Variants in NR3C2 observed in about 807,000 individuals in gnomAD.
NR3C2 encodes the protein nuclear receptor subfamily 3 group C member 2, also known as mineralocorticoid receptor.
NR3C2 carries 15 observed loss-of-function variants against 86.4 expected under a neutral mutation model. That is an observed-to-expected ratio of 0.17 (90% CI 0.12 to 0.27). The LOEUF (loss-of-function observed/expected upper bound fraction) is 0.27. NR3C2 is among the 10% of genes least tolerant of loss of function. The pLI is 1.00. For synonymous variants in NR3C2, 458 were observed against 450.5 expected (o/e 1.02, Z -0.21); for missense variants, 960 against 1,195.6 (o/e 0.80, Z 2.91).
chr4:148,096,816 C>T (rs1299369711), intron 8 of NR3C2, among the ~76,000 whole-genome samples: 1 of 152,202 alleles, frequency 6.6e-6, no homozygotes, highest in East Asian at 1.9e-4. Flanking sequence ...TACAGTGGCA[C>T]AGCTGAGTAG....
chr4:148,153,605 C>T (rs1230895516), intron 5 of NR3C2, among the ~76,000 whole-genome samples: 2 of 152,216 alleles, frequency 1.3e-5, no homozygotes, highest in Non-Finnish European at 2.9e-5. Flanking sequence ...TTTACAGCTG[C>T]TGTCTGACCA....
intron 3 of NR3C2, among the ~76,000 whole-genome samples, chr4:148,223,241 T>C (rs1737957867): frequency 6.6e-6 from 1 of 152,168 alleles, no homozygotes; most frequent in South Asian, 2.1e-4. Context: ...TCTCAATGCA[T>C]TCTTTCTCCC....
rs112285331 is a variant in NR3C2, at chr4:148,101,695, G to A, written c.2799+12409C>T. 5.3e-5 allele frequency among the ~76,000 whole-genome samples: 8 copies of A among 152,252 alleles called. 1 individual carries two copies. The highest frequency in any genetic ancestry group is 1.9e-4 in the African/African-American group (8 of 41,554). Reference sequence around the variant, plus strand: ...GTTTCGGGATTATTTACAAAGATAGGCTTGTTAAGCTGATGGGATTTCTTA... The same window carrying A: ...GTTTCGGGATTATTTACAAAGATAGACTTGTTAAGCTGATGGGATTTCTTA... On this transcript the variant is annotated intron_variant, in intron 8 of 8. Transcript: ENST00000358102.
chr4:148,388,963 A>C (rs368303287), intron 2 of NR3C2, among the ~76,000 whole-genome samples: 6 of 152,232 alleles, frequency 3.9e-5, no homozygotes, highest in African/African-American at 1.4e-4. Flanking sequence ...ACAGCCTGCT[A>C]GCTTACAGGA....
rs138806792 is a variant in NR3C2 at position 148,373,769 on chromosome 4, C to T, written c.1757+61335G>A. ...TTGGGATTATAGGCATGAGCCACCGCGCCCGGCCAGGATGACATTTTTAAT... is the reference window on the plus strand; with the variant it reads ...TTGGGATTATAGGCATGAGCCACCGTGCCCGGCCAGGATGACATTTTTAAT... On this transcript the variant is annotated intron_variant, in intron 2 of 8. Transcript: ENST00000358102. 3.4e-3 allele frequency among the ~76,000 whole-genome samples: 515 copies of T among 152,196 alleles called. 4 individuals carry two copies. The highest frequency in any genetic ancestry group is 0.012 in the African/African-American group (482 of 41,502).
intron 2 of NR3C2, among the ~76,000 whole-genome samples, chr4:148,276,140 CTTTTA>C (rs1740950591): frequency 6.6e-6 from 1 of 152,080 alleles, no homozygotes; most frequent in Non-Finnish European, 1.5e-5. Flanking sequence ...TATTGTGAAC[CTTTTA>C]TGAGAGTCTT....
rs376951249 is a variant in NR3C2 at position 148,199,240 on chromosome 4, A to G, written c.1898-4378T>C. Among the ~76,000 whole-genome samples, 24 of 152,228 alleles carry G rather than the reference A, an allele frequency of 1.6e-4. No individual in the cohort carries two copies. The South Asian group carries it at 3.1e-3, about 20-fold the overall frequency. ...AAAGAGTCCAGCTGAGCCAAGACAA[A>G]CGCCATTCAGCTCCGAACCCATCTT... On this transcript the variant is annotated intron_variant, in intron 3 of 8. Coordinates refer to ENST00000358102, the MANE Select transcript of NR3C2 (RefSeq NM_000901.5).
At chr4:148,105,500 G>C (rs1213090899) in intron 8 of NR3C2, among the ~76,000 whole-genome samples, 2 of 152,190 alleles carry the variant, frequency 1.3e-5, no homozygotes. Context: ...AATAGAAAAA[G>C]AGGGAATCCT....
At position 148,158,386 on chromosome 4, in the gene NR3C2, C is replaced by A. The variant is rs116013338; in HGVS notation, c.2015-3485G>T. Among the ~76,000 whole-genome samples the A allele has an allele frequency of 7.1e-3, 1,086 of 152,326 alleles. 10 individuals are homozygous for A. The highest frequency in any genetic ancestry group is 0.025 in the African/African-American group (1,034 of 41,566). On this transcript the variant is annotated intron_variant, in intron 4 of 8. Coordinates refer to ENST00000358102, the MANE Select transcript of NR3C2 (RefSeq NM_000901.5). ...AGATAAACTCTCCTCTAAGTCTCAA[C>A]TGATTCATTTGAAAAATGGGCATGA...
chr4:148,114,277 C>T lies in NR3C2; in HGVS notation c.2642-16G>A, dbSNP rs1288647629. On this transcript the variant is annotated splice_polypyrimidine_tract_variant and intron_variant, in intron 7 of 8. Transcript: ENST00000358102. ...TCCTTTGGAACTGTGTTAAGGAAAA[C>T]AGACATGTAAATTTCCAGGATGGAA... 1 of 1,613,402 alleles carries T rather than the reference C, an allele frequency of 6.2e-7. No individual in the cohort carries two copies. Among genetic ancestry groups the T allele is most frequent in the Non-Finnish European group, 8.5e-7 (1 of 1,179,544 alleles).
intron 3 of NR3C2, among the ~76,000 whole-genome samples, chr4:148,234,316 A>C (rs1473897594): frequency 2.0e-5 from 3 of 152,152 alleles, no homozygotes; most frequent in Non-Finnish European, 4.4e-5. Context: ...ATCAGGCAGA[A>C]TCACAGAGTG....
Position 148,268,045 on chromosome 4 carries a change from T to C in NR3C2, c.1758-7928A>G, listed in dbSNP as rs561523079. ...ACCTCCACCTCCTGAGTTCAAGCGA[T>C]TGTCTTCCTCAGTCTCCTGAGTAGC... On this transcript the variant is annotated intron_variant, in intron 2 of 8. Transcript: ENST00000358102. Among the ~76,000 whole-genome samples the C allele has an allele frequency of 1.5e-4, 22 of 151,620 alleles. No individual in the cohort carries two copies. In the East Asian group the frequency reaches 1.6e-3, roughly 11 times the overall value.
At chr4:148,365,737 C>T (rs542202538) in intron 2 of NR3C2, among the ~76,000 whole-genome samples, 1 of 99,968 alleles carries the variant, frequency 1.0e-5, no homozygotes, top group South Asian at 4.3e-4. Flanking sequence ...TTTCTATTAG[C>T]AGCAAAGTCA....
At chr4:148,276,893 A>T (rs1475452966) in intron 2 of NR3C2, among the ~76,000 whole-genome samples, 4 of 152,346 alleles carry the variant, frequency 2.6e-5, no homozygotes, top group South Asian at 4.1e-4. Context: ...GTCTTTTATA[A>T]AGTTTCAAGA....
chr4:148,406,565 T>C (rs1045410560), intron 2 of NR3C2, among the ~76,000 whole-genome samples: 2 of 151,908 alleles, frequency 1.3e-5, no homozygotes, highest in African/African-American at 2.4e-5. Flanking sequence ...TGGAACTAAG[T>C]TGTGAGAGAG....
intron 2 of NR3C2, among the ~76,000 whole-genome samples, chr4:148,299,564 G>A (rs1243857998): frequency 1.3e-5 from 2 of 152,232 alleles, no homozygotes; most frequent in African/African-American, 4.8e-5. Flanking sequence ...AAAGGCCTGT[G>A]TGGCAGGCTG....
chr4:148,153,180 C>T (rs1734183065), intron 5 of NR3C2, among the ~76,000 whole-genome samples: 1 of 151,854 alleles, frequency 6.6e-6, no homozygotes, highest in African/African-American at 2.4e-5. Context: ...TTCTTTTGTT[C>T]TTTATTTTAT....
At chr4:148,250,956 T>TG (rs1424118707) in intron 3 of NR3C2, among the ~76,000 whole-genome samples, 2 of 151,742 alleles carry the variant, frequency 1.3e-5, no homozygotes, top group East Asian at 1.9e-4. Flanking sequence ...TTCTTTTTTT[T>TG]GGGGGGGAGT....
chr4:148,303,585 C>A (rs1742451573), intron 2 of NR3C2, among the ~76,000 whole-genome samples: 1 of 152,110 alleles, frequency 6.6e-6, no homozygotes, highest in African/African-American at 2.4e-5. Flanking sequence ...TAGTATTCAG[C>A]TTATGATAAG....
Sources: allele counts gnomAD v4.1 joint callset (sites outside exome capture counted in the v4.1 genomes callset), GRCh38; gene constraint gnomAD v4.1.1; transcripts MANE v1.5; gene names NCBI Gene and HGNC (gene_info 2026-07-23, HGNC 2026-07-21).